Variants in GRM1 observed in about 807,000 individuals in gnomAD.
GRM1 encodes metabotropic glutamate receptor 1.
In GRM1, 33 loss-of-function variants were observed where a neutral mutation model predicts 90.9. That is an observed-to-expected ratio of 0.36 (90% CI 0.28 to 0.49). GRM1 has a LOEUF of 0.49. Among genes scored for constraint, GRM1 ranks in the 20% least tolerant of loss-of-function variants. The probability of loss-of-function intolerance (pLI) is 0.99; values close to 1 mark genes in which losing one functional copy is unlikely to be tolerated. For missense variants in GRM1, 1,190 were observed against 1,534.3 expected (o/e 0.78, Z 3.75); for synonymous variants, 700 against 613.2 (o/e 1.14, Z -2.09).
At chr6:146,232,523 T>C (rs1023099910) in intron 2 of GRM1, among the ~76,000 whole-genome samples, 1 of 152,112 alleles carries the variant, frequency 6.6e-6, no homozygotes, top group African/African-American at 2.4e-5. Flanking sequence ...ATCCTTTTTG[T>C]TACAAACAAT....
intron 2 of GRM1, among the ~76,000 whole-genome samples, chr6:146,213,861 C>A (rs970246479): frequency 9.9e-5 from 15 of 152,008 alleles, no homozygotes; most frequent in Admixed American, 3.3e-4. Context: ...TACAAGTATG[C>A]AGGCCTCAGA....
chr6:146,076,234 C>T lies in GRM1; in HGVS notation c.700+46017C>T, dbSNP rs1199039692. On this transcript the variant is annotated intron_variant, in intron 1 of 7. Transcript: ENST00000282753. The stretch of plus-strand genomic sequence containing the variant: ...AAGTCTGAGAAGAACCAGGAGACAG[C>T]CTGGTGAGGGACTTGTAGGCCACTA... Among the ~76,000 whole-genome samples the T allele has an allele frequency of 3.3e-5, 5 of 152,114 alleles. No homozygotes were observed. The East Asian group carries it at 9.6e-4, about 29-fold the overall frequency.
At chr6:146,227,171 A>C (rs1780270275) in intron 2 of GRM1, among the ~76,000 whole-genome samples, 1 of 152,204 alleles carries the variant, frequency 6.6e-6, no homozygotes, top group South Asian at 2.1e-4. Flanking sequence ...ATACTCAGAA[A>C]TATCTAAAAC....
intron 7 of GRM1, among the ~76,000 whole-genome samples, chr6:146,403,272 A>G (rs975527572): frequency 1.3e-5 from 2 of 152,148 alleles, no homozygotes; most frequent in Non-Finnish European, 2.9e-5. Flanking sequence ...TTACATGTCA[A>G]TCTAACATCT....
At chr6:146,352,143 T>A in intron 3 of GRM1, 107 bp from the exon 4 acceptor site, 1 of 1,148,902 alleles carries the variant, frequency 8.7e-7, no homozygotes, top group South Asian at 1.2e-5. Context: ...CCAGTGTCAT[T>A]GCTCATTCCC....
chr6:146,096,464 C>CT (rs1776877215), intron 1 of GRM1, among the ~76,000 whole-genome samples: 1 of 152,276 alleles, frequency 6.6e-6, no homozygotes, highest in East Asian at 1.9e-4. Flanking sequence ...TGCTGGCCTG[C>CT]TTAAAGGACC....
chr6:146,395,781 C>G (rs1212619062), intron 6 of GRM1, among the ~76,000 whole-genome samples: 3 of 152,078 alleles, frequency 2.0e-5, no homozygotes, highest in Non-Finnish European at 4.4e-5. Flanking sequence ...GGTAAAATCT[C>G]TGATGACAGA....
Position 146,159,654 on chromosome 6 carries a change from T to C in GRM1, c.950+57T>C, listed in dbSNP as rs865871673. 12 of 1,330,960 alleles carry C rather than the reference T, an allele frequency of 9.0e-6. No homozygotes were observed. In the African/African-American group the frequency reaches 1.1e-4, roughly 13 times the overall value. The allele number at this position is 1,330,960 out of a possible 1,614,324, so 82.4% of individuals were successfully genotyped here. On this transcript the variant is annotated intron_variant, in intron 2 of 7. Transcript: ENST00000282753. ...TCTCTCTCTCTCTCACACACACACA[T>C]GCACACACACACTTTGAAACACATA...
intron 1 of GRM1, among the ~76,000 whole-genome samples, chr6:146,100,121 G>T (rs1777002255): frequency 6.6e-6 from 1 of 152,024 alleles, no homozygotes; most frequent in Non-Finnish European, 1.5e-5. Context: ...TACCAGTTAG[G>T]TTGAGTAACT....
chr6:146,373,571 T>C (rs568626448), intron 5 of GRM1, among the ~76,000 whole-genome samples: 2 of 152,168 alleles, frequency 1.3e-5, no homozygotes, highest in Admixed American at 1.3e-4. Context: ...CAATTTGATA[T>C]GAGATTTGGG....
intron 2 of GRM1, among the ~76,000 whole-genome samples, chr6:146,165,334 G>A (rs551517359): frequency 3.3e-5 from 5 of 151,930 alleles, no homozygotes; most frequent in South Asian, 2.1e-4. Context: ...TATATACCAC[G>A]GTGTTATGTT....
chr6:146,043,513 CAT>C lies in GRM1; in HGVS notation c.700+13299_700+13300del, dbSNP rs1378811148. On this transcript the variant is annotated intron_variant, in intron 1 of 7. Coordinates refer to ENST00000282753, the MANE Select transcript of GRM1 (RefSeq NM_001278064.2). ...GCAACTTGTATAAATTCATCAGAAA[CAT>C]ATTATTTTTAGATTTAAATGTTATG... 2.6e-5 allele frequency among the ~76,000 whole-genome samples: 4 copies of C among 151,782 alleles called. No individual in the cohort carries two copies. In the East Asian group the frequency reaches 5.8e-4, roughly 22 times the overall value.
At chr6:146,241,312 AC>A (rs1042956836) in intron 2 of GRM1, among the ~76,000 whole-genome samples, 3 of 151,948 alleles carry the variant, frequency 2.0e-5, no homozygotes, top group Non-Finnish European at 4.4e-5. Context: ...CCTTTACTAA[AC>A]CTTTCTTGGG....
intron 1 of GRM1, among the ~76,000 whole-genome samples, chr6:146,030,699 G>A (rs1002427420): frequency 6.6e-6 from 1 of 152,074 alleles, no homozygotes; most frequent in Non-Finnish European, 1.5e-5. Context: ...TTGTCCTCTT[G>A]TACCCCTTCT....
rs767868364 is a variant in GRM1 at position 146,434,682 on chromosome 6, G to C, written c.3471G>C (p.Ser1157=). ...CGCCTTTCCGCGACTCGGTGGCCTCGGGCAGCTCGGTGCCCAGCTCCCCCG... is the reference window on the plus strand; with the variant it reads ...CGCCTTTCCGCGACTCGGTGGCCTCCGGCAGCTCGGTGCCCAGCTCCCCCG... ...PPSPFRDSVA[S]GSSVPSSPVS... The change falls in exon 8 of 8, where the codon TCG becomes TCC. Residue 1157 remains serine, a synonymous_variant. Transcript: ENST00000282753. 3 of 1,605,802 alleles carry C rather than the reference G, an allele frequency of 1.9e-6. No individual in the cohort carries two copies. The highest frequency in any genetic ancestry group is 2.2e-5 in the East Asian group (1 of 44,888).
Position 146,352,501 on chromosome 6 carries a change from T to A in GRM1, c.1433+5T>A. 1 of 1,613,406 alleles carries A rather than the reference T, an allele frequency of 6.2e-7. No individual in the cohort carries two copies. Among genetic ancestry groups the A allele is most frequent in the South Asian group, 1.1e-5 (1 of 90,818 alleles). Reference sequence around the variant, plus strand: ...GAAAGGAGACGCTCCTGGAAGGTAATCTTTTCAGTAATCAATCTAAGTAAC... The same window carrying A: ...GAAAGGAGACGCTCCTGGAAGGTAAACTTTTCAGTAATCAATCTAAGTAAC... On this transcript the variant is annotated splice_donor_5th_base_variant and intron_variant, in intron 4 of 7. Coordinates refer to ENST00000282753, the MANE Select transcript of GRM1 (RefSeq NM_001278064.2).
intron 3 of GRM1, among the ~76,000 whole-genome samples, chr6:146,314,068 T>A (rs1783872954): frequency 8.1e-6 from 1 of 124,074 alleles, no homozygotes. Context: ...TTTTTTTTTT[T>A]TTTTTTTTTT....
intron 2 of GRM1, among the ~76,000 whole-genome samples, chr6:146,234,671 A>T (rs544082156): frequency 1.7e-4 from 26 of 152,236 alleles, no homozygotes; most frequent in African/African-American, 6.3e-4. Flanking sequence ...ATTCATTGCA[A>T]CTATGTTTGC....
chr6:146,293,108 A>T (rs1783047954), intron 2 of GRM1, among the ~76,000 whole-genome samples: 1 of 151,994 alleles, frequency 6.6e-6, no homozygotes, highest in Non-Finnish European at 1.5e-5. Flanking sequence ...ATTGCCAGGG[A>T]CTGGGGACAG....
Sources: allele counts gnomAD v4.1 joint callset (sites outside exome capture counted in the v4.1 genomes callset), GRCh38; gene constraint gnomAD v4.1.1; transcripts MANE v1.5; gene names NCBI Gene and HGNC (gene_info 2026-07-23, HGNC 2026-07-21).